KCNN3: variants seen among roughly 807,000 people sequenced by gnomAD.
The protein encoded by KCNN3 is small conductance calcium-activated potassium channel protein 3.
KCNN3 carries 16 observed loss-of-function variants against 62.9 expected under a neutral mutation model. The ratio of observed to expected loss-of-function variants is 0.25; its 90% CI spans 0.17 to 0.39. The LOEUF (loss-of-function observed/expected upper bound fraction) is 0.39, where lower values mean the gene tolerates loss of function less well. Among genes scored for constraint, KCNN3 ranks in the 10% least tolerant of loss-of-function variants. KCNN3 has a pLI of 1.00. For missense variants in KCNN3, 599 were observed against 949.4 expected, an observed-to-expected ratio of 0.63 and a Z score of 4.85; for synonymous variants, 370 against 389.2, an observed-to-expected ratio of 0.95 and a Z score of 0.58.
intron 2 of KCNN3, among the ~76,000 whole-genome samples, chr1:154,800,520 A>G (rs2101873083): frequency 6.6e-6 from 1 of 152,270 alleles, no homozygotes; most frequent in South Asian, 2.1e-4. Context: ...AAGAGATCCC[A>G]GTACAGAGCT....
At chr1:154,821,091 C>T (rs924644764) in intron 2 of KCNN3, among the ~76,000 whole-genome samples, 1 of 152,188 alleles carries the variant, frequency 6.6e-6, no homozygotes, top group African/African-American at 2.4e-5. Flanking sequence ...GGAATAAAGG[C>T]CCCATGTTCT....
At chr1:154,781,672 G>A (rs1162252820) in intron 2 of KCNN3, among the ~76,000 whole-genome samples, 1 of 152,140 alleles carries the variant, frequency 6.6e-6, no homozygotes, top group Non-Finnish European at 1.5e-5. Context: ...AAGTGTTTGG[G>A]GTCTGGTTCA....
Position 154,857,022 on chromosome 1 carries a change from G to A in KCNN3, c.933+12010C>T, listed in dbSNP as rs552497945. 2.4e-4 allele frequency among the ~76,000 whole-genome samples: 36 copies of A among 152,226 alleles called. 1 individual carries two copies. In the South Asian group the frequency reaches 6.2e-3, roughly 26 times the overall value. ...CCACATGTGTGTGCCCTTGTCTCTCGCAAAGCTCACATCAGACCTGTTGTT... is the reference window on the plus strand; with the variant it reads ...CCACATGTGTGTGCCCTTGTCTCTCACAAAGCTCACATCAGACCTGTTGTT... On this transcript the variant is annotated intron_variant, in intron 1 of 7. Coordinates refer to ENST00000271915, the MANE Select transcript of KCNN3 (RefSeq NM_002249.6).
intron 3 of KCNN3, among the ~76,000 whole-genome samples, chr1:154,751,816 T>C (rs1647391587): frequency 6.6e-6 from 1 of 152,164 alleles, no homozygotes; most frequent in African/African-American, 2.4e-5. Context: ...ACAAAAATGC[T>C]GCCTGAAAAC....
chr1:154,828,359 T>C (rs1651225262), intron 1 of KCNN3, among the ~76,000 whole-genome samples: 1 of 151,902 alleles, frequency 6.6e-6, no homozygotes. Context: ...TTTTTTTTTC[T>C]TAGGAGTTTT....
chr1:154,853,486 C>T (rs563812183), intron 1 of KCNN3, among the ~76,000 whole-genome samples: 1 of 152,260 alleles, frequency 6.6e-6, no homozygotes, highest in South Asian at 2.1e-4. Context: ...CAGGCACGCA[C>T]CACCATGCCC....
chr1:154,866,080 G>A (rs545535371), intron 1 of KCNN3, among the ~76,000 whole-genome samples: 38 of 152,216 alleles, frequency 2.5e-4, no homozygotes, highest in African/African-American at 8.9e-4. Flanking sequence ...GACCATGGAG[G>A]AGTAGAGACC....
chr1:154,813,033 C>A (rs1650494788), intron 2 of KCNN3, among the ~76,000 whole-genome samples: 1 of 152,162 alleles, frequency 6.6e-6, no homozygotes, highest in Non-Finnish European at 1.5e-5. Flanking sequence ...GATCCTCTGG[C>A]CTAATCTGCC....
chr1:154,802,412 G>A (rs1649994849), intron 2 of KCNN3, among the ~76,000 whole-genome samples: 1 of 152,208 alleles, frequency 6.6e-6, no homozygotes, highest in Non-Finnish European at 1.5e-5. Flanking sequence ...ACAGGGAGCA[G>A]GGGTGGGTAA....
chr1:154,746,239 C>T (rs374953714), intron 3 of KCNN3, among the ~76,000 whole-genome samples: 6 of 152,140 alleles, frequency 3.9e-5, no homozygotes, highest in Non-Finnish European at 5.9e-5. Flanking sequence ...AAAAAAGGGC[C>T]GCGTTACAAT....
chr1:154,755,204 C>G (rs1647579480), intron 3 of KCNN3, among the ~76,000 whole-genome samples: 1 of 152,128 alleles, frequency 6.6e-6, no homozygotes, highest in Non-Finnish European at 1.5e-5. Context: ...GGCATGGTGG[C>G]TCACACCTAT....
At chr1:154,786,366 A>G (rs1193553477) in intron 2 of KCNN3, among the ~76,000 whole-genome samples, 1 of 152,258 alleles carries the variant, frequency 6.6e-6, no homozygotes, top group East Asian at 1.9e-4. Flanking sequence ...ACTGCTTATT[A>G]TAATTTTTTA....
rs1397010839 is a variant in KCNN3 at position 154,867,186 on chromosome 1, T to C, written c.933+1846A>G. Among the ~76,000 whole-genome samples the C allele has an allele frequency of 4.6e-5, 7 of 152,302 alleles. No homozygotes were observed. The East Asian group carries it at 1.2e-3, about 25-fold the overall frequency. ...GAGCCAGGGCTGTGACCAGGGCAGC[T>C]GCCAGTCCTAGCGAGGCTGCCAGCC... On this transcript the variant is annotated intron_variant, in intron 1 of 7. Transcript: ENST00000271915.
intron 2 of KCNN3, 110 bp downstream of exon 2, chr1:154,821,979 T>C (rs777751676): frequency 2.8e-4 from 229 of 804,610 alleles, no homozygotes; most frequent in Middle Eastern, 1.9e-3. Flanking sequence ...TCTTGTAAAA[T>C]CACCCAAGTA....
chr1:154,711,236 C>T (rs575895366), intron 7 of KCNN3, among the ~76,000 whole-genome samples: 122 of 149,486 alleles, frequency 8.2e-4, no homozygotes, highest in African/African-American at 2.9e-3. Context: ...AGCAAACTAT[C>T]GCAAGGACAA....
intron 3 of KCNN3, chr1:154,737,219 T>A: frequency 3.5e-6 from 1 of 281,874 alleles, no homozygotes; most frequent in Non-Finnish European, 7.1e-6. Context: ...GGGGGGGGGA[T>A]AGCTCCATGT....
chr1:154,868,937 AATCT>A, intron 1 of KCNN3, 91 bp downstream of exon 1: 1 of 952,126 alleles, frequency 1.1e-6, no homozygotes, highest in Non-Finnish European at 1.5e-6. Context: ...TCTCTCTCTC[AATCT>A]CTCTCTCTCA....
chr1:154,804,413 G>A (rs557119040), intron 2 of KCNN3, among the ~76,000 whole-genome samples: 6 of 152,352 alleles, frequency 3.9e-5, no homozygotes, highest in Admixed American at 1.3e-4. Context: ...CGACCATGGT[G>A]AATCCCCACA....
chr1:154,821,905 C>A (rs868831498), intron 2 of KCNN3, among the ~76,000 whole-genome samples, 184 bp downstream of exon 2: 2 of 152,210 alleles, frequency 1.3e-5, no homozygotes, highest in East Asian at 1.9e-4. Context: ...CACAGGGCGG[C>A]CTCGCAGTTT....
Sources: allele counts gnomAD v4.1 joint callset (sites outside exome capture counted in the v4.1 genomes callset), GRCh38; gene constraint gnomAD v4.1.1; transcripts MANE v1.5; gene names NCBI Gene and HGNC (gene_info 2026-07-23, HGNC 2026-07-21).